Variants in ACTR3C observed in about 807,000 individuals in gnomAD.
The protein encoded by ACTR3C is actin related protein 3C.
ACTR3C carries 18 observed loss-of-function variants against 26.3 expected under a neutral mutation model. The observed-to-expected ratio is 0.68, with a 90% CI of 0.47 to 1.01. ACTR3C has a LOEUF of 1.01. ACTR3C is among the 50% of genes least tolerant of loss of function. The probability of loss-of-function intolerance (pLI) is 0.00; values close to 1 mark genes in which losing one functional copy is unlikely to be tolerated. For synonymous variants in ACTR3C, 55 were observed against 94.5 expected (o/e 0.58, Z 2.42); for missense variants, 184 against 250.7 (o/e 0.73, Z 1.80).
Position 150,274,703 on chromosome 7 carries a change from C to A in ACTR3C, c.564+10050G>T, listed in dbSNP as rs1226123810. Among the ~76,000 whole-genome samples, 4 of 152,250 alleles carry A rather than the reference C, an allele frequency of 2.6e-5. No individual in the cohort carries two copies. Among genetic ancestry groups the A allele is most frequent in the Non-Finnish European group, 5.9e-5 (4 of 68,040 alleles). ...CGATGCTAGGAAGCGGCTCAGCCCA[C>A]GTGGAGACCCACGCAGCTTGGCCCT... is the stretch of plus-strand genomic sequence containing the variant. On this transcript the variant is annotated intron_variant, in intron 6 of 7. Transcript: ENST00000683684. The surrounding 1 kb of genome is among the most constrained non-coding windows in gnomAD (Gnocchi z 4.1).
the ACTR3C span, among the ~76,000 whole-genome samples, chr7:150,232,499 CT>C: frequency 6.7e-6 from 1 of 149,830 alleles, no homozygotes; most frequent in East Asian, 1.9e-4. Context: ...ATTTTATCTT[CT>C]TTTTTAGCAT....
chr7:150,020,582 A>C, the ACTR3C span, among the ~76,000 whole-genome samples: 1 of 151,924 alleles, frequency 6.6e-6, no homozygotes, highest in African/African-American at 2.4e-5. Flanking sequence ...TAAAAAGAAG[A>C]AGCCACACCT....
intron 3 of ACTR3C, among the ~76,000 whole-genome samples, chr7:150,291,729 C>T (rs2129613017): frequency 6.6e-6 from 1 of 151,926 alleles, no homozygotes; most frequent in South Asian, 2.1e-4. Flanking sequence ...CCTACGGGGG[C>T]CTCATCTTGG....
the ACTR3C span, among the ~76,000 whole-genome samples, chr7:150,107,709 G>A: frequency 1.0e-3 from 152 of 151,674 alleles, 2 homozygotes; most frequent in Non-Finnish European, 1.8e-3. Flanking sequence ...AGGAGGTAGG[G>A]GGAGAGAGCT....
chr7:149,882,490 A>G, the ACTR3C span, among the ~76,000 whole-genome samples: 85,682 of 151,920 alleles, frequency 0.56, 24,377 homozygotes, highest in Middle Eastern at 0.62. Flanking sequence ...CCTTTCTCAC[A>G]TCTTCCATCC....
chr7:149,928,817 T>G, the ACTR3C span, among the ~76,000 whole-genome samples: 1 of 151,616 alleles, frequency 6.6e-6, no homozygotes, highest in Non-Finnish European at 1.5e-5. Context: ...CACTTCAGCC[T>G]GGGCAACACA....
the ACTR3C span, among the ~76,000 whole-genome samples, chr7:149,902,957 GAA>G: frequency 5.6e-5 from 1 of 17,798 alleles, no homozygotes; most frequent in African/African-American, 7.6e-5. Context: ...AAAAAAGAAA[GAA>G]AGAGTACAAA....
At chr7:150,158,252 T>G in the ACTR3C span, among the ~76,000 whole-genome samples, 1 of 151,904 alleles carries the variant, frequency 6.6e-6, no homozygotes, top group African/African-American at 2.4e-5. Flanking sequence ...GGACGGCAAA[T>G]TGTTATAGTC....
the ACTR3C span, among the ~76,000 whole-genome samples, chr7:150,212,035 C>G: frequency 2.3e-3 from 331 of 143,772 alleles, 3 homozygotes; most frequent in African/African-American, 8.9e-3. Flanking sequence ...ACTGAAAGAA[C>G]ACACACATTA....
At chr7:150,151,051 A>G in the ACTR3C span, among the ~76,000 whole-genome samples, 1 of 67,132 alleles carries the variant, frequency 1.5e-5, no homozygotes, top group Non-Finnish European at 2.4e-5. Context: ...ATACAGTAAA[A>G]CTATATTTTC....
chr7:150,110,509 TGCCTGAGGGTGG>T, the ACTR3C span, among the ~76,000 whole-genome samples: 1 of 109,612 alleles, frequency 9.1e-6, no homozygotes, highest in East Asian at 2.8e-4. Context: ...GAGGTGGGGC[TGCCTGAGGGTGG>T]GGCTGGAAGA....
At chr7:149,989,322 T>A in the ACTR3C span, among the ~76,000 whole-genome samples, 2 of 152,184 alleles carry the variant, frequency 1.3e-5, no homozygotes, top group Non-Finnish European at 2.9e-5. Flanking sequence ...TAAAATCTAC[T>A]CTCTTAGCAA....
At chr7:150,226,991 C>T in the ACTR3C span, among the ~76,000 whole-genome samples, 3 of 147,514 alleles carry the variant, frequency 2.0e-5, no homozygotes, top group African/African-American at 5.2e-5. Flanking sequence ...CAATTCTTCC[C>T]CTTGCTTTTA....
At chr7:149,976,606 A>T in the ACTR3C span, among the ~76,000 whole-genome samples, 1 of 151,506 alleles carries the variant, frequency 6.6e-6, no homozygotes, top group Non-Finnish European at 1.5e-5. Flanking sequence ...AGAGAAAATG[A>T]TGCAGGAAGA....
At chr7:149,926,788 A>G in the ACTR3C span, among the ~76,000 whole-genome samples, 1 of 152,174 alleles carries the variant, frequency 6.6e-6, no homozygotes, top group Non-Finnish European at 1.5e-5. Flanking sequence ...AACAGACCTT[A>G]ATACATGAAG....
chr7:150,175,399 T>C, the ACTR3C span, among the ~76,000 whole-genome samples: 41 of 143,950 alleles, frequency 2.8e-4, 1 homozygote, highest in Non-Finnish European at 5.2e-4. Flanking sequence ...AATAGCCTTG[T>C]CTCCCTCTCA....
At chr7:149,895,266 GT>G in the ACTR3C span, among the ~76,000 whole-genome samples, 1 of 152,020 alleles carries the variant, frequency 6.6e-6, no homozygotes, top group South Asian at 2.1e-4. Context: ...AGGACAAGAT[GT>G]TGGTCAAAAA....
At chr7:150,188,446 A>G in the ACTR3C span, among the ~76,000 whole-genome samples, 8 of 151,796 alleles carry the variant, frequency 5.3e-5, no homozygotes, top group Non-Finnish European at 1.0e-4. Context: ...GTGTGTGCAC[A>G]GTCTGTAGTT....
chr7:150,012,317 C>CTTTTTTTTTTTTTTTTTTTTTT, the ACTR3C span, among the ~76,000 whole-genome samples: 131 of 131,244 alleles, frequency 1.0e-3, 38 homozygotes, highest in Middle Eastern at 7.9e-3. Context: ...ATAAATGCAT[C>CTTTTTTTTTTTTTTTTTTTTTT]TTTTTTTTTT....
Sources: allele counts gnomAD v4.1 joint callset (sites outside exome capture counted in the v4.1 genomes callset), GRCh38; gene constraint gnomAD v4.1.1; non-coding constraint Gnocchi (gnomAD v3.1); transcripts MANE v1.5; gene names NCBI Gene and HGNC (gene_info 2026-07-23, HGNC 2026-07-21).